VAX2: variants seen among roughly 807,000 people sequenced by gnomAD.
VAX2 encodes the protein ventral anterior homeobox 2.
In VAX2, 8 loss-of-function variants were observed where a neutral mutation model predicts 12.5. The ratio of observed to expected loss-of-function variants is 0.64; its 90% CI spans 0.37 to 1.15. VAX2 has a LOEUF of 1.15. Among genes scored for constraint, VAX2 ranks in the 50% most tolerant of loss-of-function variants. The pLI is 0.01. For missense variants in VAX2, 476 were observed against 412.9 expected, an observed-to-expected ratio of 1.15 and a Z score of -1.32; for synonymous variants, 183 against 187.6, an observed-to-expected ratio of 0.98 and a Z score of 0.20.
chr2:70,901,742 C>A (rs1553409809), intron 1 of VAX2, among the ~76,000 whole-genome samples: 1 of 152,248 alleles, frequency 6.6e-6, no homozygotes, highest in Non-Finnish European at 1.5e-5. Context: ...ATCTGGGCCT[C>A]GCCCGGCGAG....
intron 2 of VAX2, among the ~76,000 whole-genome samples, chr2:70,930,072 A>G (rs1039202344): frequency 6.6e-6 from 1 of 152,098 alleles, no homozygotes; most frequent in Non-Finnish European, 1.5e-5. Context: ...GGTGGTGTGC[A>G]CCTGTAGTCC....
chr2:70,930,412 G>T (rs1206908468), intron 2 of VAX2, among the ~76,000 whole-genome samples: 1 of 152,112 alleles, frequency 6.6e-6, no homozygotes, highest in African/African-American at 2.4e-5. Context: ...AACTACAAAA[G>T]GACCCCTGCC....
intron 1 of VAX2, 135 bp downstream of exon 1, chr2:70,901,003 A>G: frequency 9.9e-7 from 1 of 1,005,854 alleles, no homozygotes; most frequent in Non-Finnish European, 1.3e-6. Context: ...TTCAGCAAAT[A>G]TTATTTTGAG....
At position 70,901,071 on chromosome 2, in the gene VAX2, C is replaced by T. The variant is rs377738183; in HGVS notation, c.247+203C>T. ...CAAGGGACAAAGCAGCGAATGGGAC[C>T]GAAGCGGTCCCCGTTTCTCCGCCTC... On this transcript the variant is annotated intron_variant, in intron 1 of 2. Transcript: ENST00000234392. Among the ~76,000 whole-genome samples, 24 of 152,362 alleles carry T rather than the reference C, an allele frequency of 1.6e-4. 1 individual carries two copies. The highest frequency in any genetic ancestry group is 5.8e-4 in the African/African-American group (24 of 41,584).
chr2:70,930,150 A>G (rs1553414127), intron 2 of VAX2, among the ~76,000 whole-genome samples: 1 of 152,248 alleles, frequency 6.6e-6, no homozygotes, highest in Non-Finnish European at 1.5e-5. Context: ...GTGAGCTCTC[A>G]TGACACTAGT....
chr2:70,900,905 C>T (rs1188549614), intron 1 of VAX2, 37 bp downstream of exon 1: 4 of 1,316,282 alleles, frequency 3.0e-6, no homozygotes, highest in Non-Finnish European at 2.9e-6. Context: ...CCACTGGACC[C>T]TCACCCTACC....
chr2:70,925,035 C>G (rs914941683), intron 2 of VAX2, among the ~76,000 whole-genome samples: 1 of 152,196 alleles, frequency 6.6e-6, no homozygotes, highest in East Asian at 1.9e-4. Flanking sequence ...TCAAGGCAGA[C>G]GGTAACTATG....
chr2:70,920,073 AGGCGGCC>A (rs1679418112), intron 1 of VAX2, among the ~76,000 whole-genome samples: 3 of 152,122 alleles, frequency 2.0e-5, no homozygotes, highest in Non-Finnish European at 4.4e-5. Context: ...GGCTTCCTCA[AGGCGGCC>A]TTGTGTTGGT....
At chr2:70,932,182 T>C (rs1488059324) in intron 2 of VAX2, among the ~76,000 whole-genome samples, 1 of 152,100 alleles carries the variant, frequency 6.6e-6, no homozygotes, top group Non-Finnish European at 1.5e-5. Context: ...GGAGACAGGC[T>C]CCTGCATGAG....
chr2:70,919,502 T>A, intron 1 of VAX2, among the ~76,000 whole-genome samples: 1 of 151,752 alleles, frequency 6.6e-6, no homozygotes, highest in South Asian at 2.1e-4. Context: ...CCAGCCTAAG[T>A]GAGACCCCAT....
At chr2:70,924,923 T>C (rs1679535320) in intron 2 of VAX2, among the ~76,000 whole-genome samples, 1 of 151,816 alleles carries the variant, frequency 6.6e-6, no homozygotes. Flanking sequence ...AAAGGAAGTG[T>C]TTTACTGGGG....
intron 2 of VAX2, 122 bp downstream of exon 2, chr2:70,921,407 G>A: frequency 8.7e-7 from 1 of 1,145,864 alleles, no homozygotes; most frequent in Non-Finnish European, 1.2e-6. Flanking sequence ...ACAAGCATGA[G>A]GGAAAGACTT....
chr2:70,907,261 A>G (rs1242995244), intron 1 of VAX2, among the ~76,000 whole-genome samples: 8 of 152,222 alleles, frequency 5.3e-5, no homozygotes, highest in African/African-American at 1.9e-4. Flanking sequence ...AAACCCTCAT[A>G]TATGTGGCGG....
At chr2:70,903,695 A>G (rs1678984604) in intron 1 of VAX2, among the ~76,000 whole-genome samples, 1 of 152,214 alleles carries the variant, frequency 6.6e-6, no homozygotes, top group South Asian at 2.1e-4. Flanking sequence ...GACAGAAGGA[A>G]GGGTGTAGCT....
At chr2:70,919,102 TGAGGCAGGAGAATCACTTGAACCTGGG>T (rs1679382488) in intron 1 of VAX2, among the ~76,000 whole-genome samples, 1 of 7,974 alleles carries the variant, frequency 1.3e-4, no homozygotes. Flanking sequence ...CTCGGGAGGC[TGAGGCAGGAGAATCACTTGAACCTGGG>T]AGGCTGAGGC....
In VAX2 at chr2:70,932,847, A is replaced by G; in HGVS notation, c.516A>G (p.Ser172=). Residue 172 remains serine (S), a synonymous_variant, in exon 3 of 3, where the codon TCA becomes TCG. Coordinates refer to ENST00000234392, the MANE Select transcript of VAX2 (RefSeq NM_012476.3). ...ACCTGGAGAAGCGGGCGTCCTCCTC[A>G]GCCTCCGAGGCCTTTGCCACCTCCA... ...SRDLEKRASS[S]ASEAFATSNI... is the part of the protein sequence containing the mutation. 1 of 1,612,864 alleles carries G rather than the reference A, an allele frequency of 6.2e-7. No homozygotes were observed. Among genetic ancestry groups the G allele is most frequent in the Non-Finnish European group, 8.5e-7 (1 of 1,179,708 alleles).
chr2:70,912,506 A>T (rs782282416), intron 1 of VAX2, among the ~76,000 whole-genome samples: 1 of 152,134 alleles, frequency 6.6e-6, no homozygotes, highest in Non-Finnish European at 1.5e-5. Flanking sequence ...TACTAAAAAT[A>T]CAAAAATTAG....
chr2:70,902,805 G>T (rs1248941564), intron 1 of VAX2, among the ~76,000 whole-genome samples: 9 of 152,256 alleles, frequency 5.9e-5, no homozygotes, highest in African/African-American at 1.9e-4. Flanking sequence ...GGCAGAGATG[G>T]GCTTGCACTG....
chr2:70,902,977 T>G (rs1480402912), intron 1 of VAX2, among the ~76,000 whole-genome samples: 3 of 152,170 alleles, frequency 2.0e-5, no homozygotes, highest in Non-Finnish European at 4.4e-5. Flanking sequence ...AAATGGGGCT[T>G]TTATAAATCC....
Sources: gnomAD v4.1 joint callset for allele counts (sites outside exome capture counted in the v4.1 genomes callset) on GRCh38, gnomAD v4.1.1 for gene constraint, MANE v1.5 for transcripts, NCBI Gene and HGNC (gene_info 2026-07-23, HGNC 2026-07-21) for gene names.